Variants in RNGTT observed in about 807,000 individuals in gnomAD.
RNGTT encodes the protein RNA guanylyltransferase and 5'-phosphatase.
Under a neutral mutation model 79.3 loss-of-function variants are expected in RNGTT, and 33 were observed. That is an observed-to-expected ratio of 0.42 (90% CI 0.32 to 0.56). The LOEUF (loss-of-function observed/expected upper bound fraction) is 0.56, where lower values mean the gene tolerates loss of function less well. RNGTT is among the 20% of genes least tolerant of loss of function. The pLI is 0.17. For missense variants in RNGTT, 497 were observed against 739.1 expected, an observed-to-expected ratio of 0.67 and a Z score of 3.80; for synonymous variants, 222 against 235.9, an observed-to-expected ratio of 0.94 and a Z score of 0.54.
chr6:88,942,393 A>G (rs900366682), intron 1 of RNGTT, among the ~76,000 whole-genome samples: 1 of 151,952 alleles, frequency 6.6e-6, no homozygotes, highest in African/African-American at 2.4e-5. Flanking sequence ...TATTTTTGAG[A>G]CAGGGTGTCA....
intron 11 of RNGTT, among the ~76,000 whole-genome samples, chr6:88,840,676 G>A (rs1235620194): frequency 1.3e-5 from 2 of 152,162 alleles, no homozygotes; most frequent in African/African-American, 2.4e-5. Flanking sequence ...CAGGATTACA[G>A]GTGTGAGCCA....
chr6:88,759,532 A>G (rs1160490677), intron 13 of RNGTT, among the ~76,000 whole-genome samples: 1 of 152,192 alleles, frequency 6.6e-6, no homozygotes, highest in Non-Finnish European at 1.5e-5. Flanking sequence ...ACAATCATGT[A>G]TATGTATTCA....
chr6:88,914,275 GA>G lies in RNGTT; in HGVS notation c.368-7836del, dbSNP rs60572863. On this transcript the variant is annotated intron_variant, in intron 4 of 15. Coordinates refer to ENST00000369485, the MANE Select transcript of RNGTT (RefSeq NM_003800.5). ...CCAACAGCATTTTTCTTTCACAGAA[GA>G]AAAAAAACTATTATAAAATATGGAA... 2.6e-5 allele frequency among the ~76,000 whole-genome samples: 4 copies of G among 151,532 alleles called. No homozygotes were observed. The South Asian group carries it at 6.2e-4, about 24-fold the overall frequency.
intron 1 of RNGTT, among the ~76,000 whole-genome samples, chr6:88,948,943 T>G (rs1785131460): frequency 1.1e-5 from 1 of 92,280 alleles, no homozygotes; most frequent in African/African-American, 4.4e-5. Flanking sequence ...CACCAATCCC[T>G]AATCTCAAGT....
At chr6:88,742,693 T>A (rs1157375277) in intron 13 of RNGTT, among the ~76,000 whole-genome samples, 1 of 152,188 alleles carries the variant, frequency 6.6e-6, no homozygotes, top group Admixed American at 6.5e-5. Context: ...CAGTAAGCAC[T>A]AAATGAATTC....
chr6:88,719,473 C>A lies in RNGTT; in HGVS notation c.1440-41054G>T, dbSNP rs1776631811. On this transcript the variant is annotated intron_variant, in intron 13 of 15. Coordinates refer to ENST00000369485, the MANE Select transcript of RNGTT (RefSeq NM_003800.5). ...AAATTTCAGATTTATACTGCTTCTT[C>A]CAACTTGATTACAGTACTTTAATAC... 2.0e-5 allele frequency among the ~76,000 whole-genome samples: 3 copies of A among 152,198 alleles called. 1 individual carries two copies. The South Asian group carries it at 6.2e-4, about 32-fold the overall frequency.
intron 13 of RNGTT, among the ~76,000 whole-genome samples, chr6:88,728,461 TG>T (rs1299034399): frequency 2.6e-5 from 4 of 152,238 alleles, no homozygotes; most frequent in Non-Finnish European, 5.9e-5. Context: ...TCCAAAGTTC[TG>T]TGGACCACTA....
intron 4 of RNGTT, among the ~76,000 whole-genome samples, chr6:88,925,958 A>G (rs1784306041): frequency 6.6e-6 from 1 of 152,188 alleles, no homozygotes; most frequent in Non-Finnish European, 1.5e-5. Context: ...GCCCTAAAAC[A>G]TACATTTCTA....
chr6:88,757,784 C>A (rs1778069552), intron 13 of RNGTT, among the ~76,000 whole-genome samples: 1 of 152,162 alleles, frequency 6.6e-6, no homozygotes, highest in South Asian at 2.1e-4. Flanking sequence ...TGAAGTCACA[C>A]TATAAGATTT....
At chr6:88,734,682 C>A (rs139010891) in intron 13 of RNGTT, among the ~76,000 whole-genome samples, 1 of 152,106 alleles carries the variant, frequency 6.6e-6, no homozygotes, top group Non-Finnish European at 1.5e-5. Flanking sequence ...TGGTTCCTGA[C>A]TTAACGACAG....
chr6:88,804,184 C>A (rs1425225450), intron 11 of RNGTT, among the ~76,000 whole-genome samples: 1 of 152,178 alleles, frequency 6.6e-6, no homozygotes, highest in Non-Finnish European at 1.5e-5. Flanking sequence ...ACATAAGCAA[C>A]TAGCTTTAAT....
At chr6:88,952,748 G>T (rs955254690) in intron 1 of RNGTT, among the ~76,000 whole-genome samples, 2 of 152,180 alleles carry the variant, frequency 1.3e-5, no homozygotes, top group Non-Finnish European at 2.9e-5. Context: ...GCAGGTGCTG[G>T]TATCAATGGC....
intron 13 of RNGTT, among the ~76,000 whole-genome samples, chr6:88,730,103 A>G (rs1387040731): frequency 6.6e-6 from 1 of 152,204 alleles, no homozygotes; most frequent in African/African-American, 2.4e-5. Flanking sequence ...AAGACATGTT[A>G]AAAAGTTTGT....
At position 88,845,100 on chromosome 6, in the gene RNGTT, TA is replaced by T. The variant is rs1250135979; in HGVS notation, c.1105-580del. On this transcript the variant is annotated intron_variant, in intron 10 of 15. Transcript: ENST00000369485. ...CCTTTAACAGTACCCTATTACAGTA[TA>T]AAAACTAAAATCCACAGAATTCAGA... Among the ~76,000 whole-genome samples the T allele has an allele frequency of 3.3e-5, 5 of 151,636 alleles. No individual in the cohort carries two copies. In the East Asian group the frequency reaches 9.6e-4, roughly 29 times the overall value.
At chr6:88,732,356 T>TA (rs1346531420) in intron 13 of RNGTT, among the ~76,000 whole-genome samples, 1 of 152,186 alleles carries the variant, frequency 6.6e-6, no homozygotes, top group Non-Finnish European at 1.5e-5. Context: ...TTAGGATGGC[T>TA]ATTATCAAAA....
chr6:88,637,536 C>T lies in RNGTT; in HGVS notation c.1507-23141G>A, dbSNP rs545342929. 7.9e-5 allele frequency among the ~76,000 whole-genome samples: 12 copies of T among 152,164 alleles called. No individual in the cohort carries two copies. In the East Asian group the frequency reaches 2.3e-3, roughly 29 times the overall value. On this transcript the variant is annotated intron_variant, in intron 14 of 15. Coordinates refer to ENST00000369485, the MANE Select transcript of RNGTT (RefSeq NM_003800.5). ...TCACAGATGTAACTCCTGAGCAGTGCCCCATGCAACCTACGCTTTCTGGAA... is the reference window on the plus strand; with the variant it reads ...TCACAGATGTAACTCCTGAGCAGTGTCCCATGCAACCTACGCTTTCTGGAA...
chr6:88,925,026 GT>G (rs1055585682), intron 4 of RNGTT, among the ~76,000 whole-genome samples: 2 of 150,500 alleles, frequency 1.3e-5, no homozygotes, highest in Admixed American at 1.3e-4. Context: ...CACCTGTTGT[GT>G]TTTTTTTTAA....
At chr6:88,679,807 C>T (rs915774452) in intron 13 of RNGTT, among the ~76,000 whole-genome samples, 1 of 152,140 alleles carries the variant, frequency 6.6e-6, no homozygotes, top group Non-Finnish European at 1.5e-5. Flanking sequence ...TATATCTCAT[C>T]TTTCTTTTAT....
intron 14 of RNGTT, among the ~76,000 whole-genome samples, chr6:88,661,597 T>C (rs1187000108): frequency 2.6e-5 from 4 of 151,934 alleles, no homozygotes; most frequent in Admixed American, 6.6e-5. Context: ...TTCCTGGAAA[T>C]ATACAACCCT....
Sources: allele counts gnomAD v4.1 joint callset (sites outside exome capture counted in the v4.1 genomes callset), GRCh38; gene constraint gnomAD v4.1.1; transcripts MANE v1.5; gene names NCBI Gene and HGNC (gene_info 2026-07-23, HGNC 2026-07-21).